ADGRG6: variants seen among roughly 807,000 people sequenced by gnomAD.
The protein encoded by ADGRG6 is adhesion G protein-coupled receptor G6.
In ADGRG6, 84 loss-of-function variants were observed where a neutral mutation model predicts 142.4. That is an observed-to-expected ratio of 0.59 (90% CI 0.49 to 0.71). The LOEUF (loss-of-function observed/expected upper bound fraction) is 0.71. Among genes scored for constraint, ADGRG6 ranks in the 30% least tolerant of loss-of-function variants. The pLI, the probability that ADGRG6 is intolerant of heterozygous loss-of-function variation, is 0.00. For synonymous variants in ADGRG6, 521 were observed against 520.5 expected, an observed-to-expected ratio of 1.00 and a Z score of -0.01; for missense variants, 1,367 against 1,466.6, an observed-to-expected ratio of 0.93 and a Z score of 1.11.
chr6:142,360,280 C>T (rs995711362), intron 2 of ADGRG6, among the ~76,000 whole-genome samples: 6 of 152,110 alleles, frequency 3.9e-5, no homozygotes, highest in African/African-American at 1.4e-4. Flanking sequence ...TAGGTATTTG[C>T]AAAGCTAGGA....
At chr6:142,352,400 G>C (rs939798527) in intron 2 of ADGRG6, among the ~76,000 whole-genome samples, 4 of 152,132 alleles carry the variant, frequency 2.6e-5, no homozygotes, top group African/African-American at 7.2e-5. Flanking sequence ...TCACTTATAA[G>C]TGGGAGCTTG....
intron 4 of ADGRG6, among the ~76,000 whole-genome samples, chr6:142,373,662 C>T (rs1053206815): frequency 6.6e-5 from 10 of 152,234 alleles, no homozygotes; most frequent in Middle Eastern, 3.4e-3. Context: ...CTTCAGCTCT[C>T]CTGAGTAGGT....
At chr6:142,399,074 T>G (rs958504442) in intron 10 of ADGRG6, among the ~76,000 whole-genome samples, 1 of 152,178 alleles carries the variant, frequency 6.6e-6, no homozygotes, top group African/African-American at 2.4e-5. Flanking sequence ...AAGCAATTGT[T>G]TTAATGTTAT....
chr6:142,304,248 T>C (rs1050656101), intron 1 of ADGRG6, among the ~76,000 whole-genome samples: 1 of 152,230 alleles, frequency 6.6e-6, no homozygotes, highest in South Asian at 2.1e-4. Context: ...TACTTAAGTG[T>C]ATTTTCTGCC....
intron 2 of ADGRG6, among the ~76,000 whole-genome samples, chr6:142,326,450 A>G (rs1266465585): frequency 1.3e-5 from 2 of 152,032 alleles, no homozygotes; most frequent in African/African-American, 2.4e-5. Flanking sequence ...GATAATTGGC[A>G]TATCTTGCTG....
intron 9 of ADGRG6, among the ~76,000 whole-genome samples, chr6:142,397,391 A>G (rs977831808): frequency 8.5e-5 from 13 of 152,300 alleles, no homozygotes; most frequent in African/African-American, 3.1e-4. Context: ...GAGTTATTTG[A>G]CAGAATTATA....
chr6:142,346,578 A>G (rs1779912349), intron 2 of ADGRG6, among the ~76,000 whole-genome samples: 1 of 152,182 alleles, frequency 6.6e-6, no homozygotes, highest in African/African-American at 2.4e-5. Flanking sequence ...ATGCACATGT[A>G]TGTTTATTGC....
chr6:142,438,919 A>G (rs1171888464), intron 24 of ADGRG6, among the ~76,000 whole-genome samples: 2 of 152,172 alleles, frequency 1.3e-5, no homozygotes, highest in Non-Finnish European at 2.9e-5. Context: ...CTGTTTTTTC[A>G]TGATATTTAC....
At chr6:142,416,410 C>T (rs1776361202) in intron 20 of ADGRG6, among the ~76,000 whole-genome samples, 1 of 152,130 alleles carries the variant, frequency 6.6e-6, no homozygotes, top group Admixed American at 6.6e-5. Context: ...CAAAGGCCAG[C>T]TCAGACGGCT....
chr6:142,371,861 A>G (rs723990), intron 4 of ADGRG6, among the ~76,000 whole-genome samples: 5,975 of 152,286 alleles, frequency 0.039, 244 homozygotes, highest in Middle Eastern at 0.11. Context: ...TTTCAATTGG[A>G]TGACTTAAAT....
rs550242763 is a variant in ADGRG6, at chr6:142,333,588, A to T, written c.103+23944A>T. On this transcript the variant is annotated intron_variant, in intron 2 of 24. Transcript: ENST00000367609. ...TAGGCTTCAACTACTGGGCTCAAGCAATCCTCCTGCCTTGGCCACCAAAAA... is the reference window on the plus strand; with the variant it reads ...TAGGCTTCAACTACTGGGCTCAAGCTATCCTCCTGCCTTGGCCACCAAAAA... Among the ~76,000 whole-genome samples the T allele has an allele frequency of 2.0e-4, 31 of 152,244 alleles. 1 individual carries two copies. In the South Asian group the frequency reaches 5.4e-3, roughly 26 times the overall value.
intron 4 of ADGRG6, among the ~76,000 whole-genome samples, chr6:142,380,943 G>T (rs1274281483): frequency 6.6e-6 from 1 of 152,166 alleles, no homozygotes; most frequent in Non-Finnish European, 1.5e-5. Flanking sequence ...AGAGCTTCTT[G>T]CCAGTCAGTG....
Position 142,302,209 on chromosome 6 carries a change from C to A in ADGRG6, c.-121C>A. On this transcript the variant is annotated 5_prime_UTR_variant, in exon 1 of 25. Coordinates refer to ENST00000367609, the MANE Select transcript of ADGRG6 (RefSeq NM_198569.3). ...CTCCAGAAACGGCGTAAAGGAGGGT[C>A]CCGCCGCGGCGCAGGGCTGGGGCGC... 1 of 1,132,310 alleles carries A rather than the reference C, an allele frequency of 8.8e-7. No homozygotes were observed. Among genetic ancestry groups the A allele is most frequent in the Non-Finnish European group, 1.3e-6 (1 of 795,480 alleles). The allele number at this position is 1,132,310 out of a possible 1,614,324, so 70.1% of individuals were successfully genotyped here.
chr6:142,390,202 T>C (rs1022103719), intron 6 of ADGRG6, 56 bp from the exon 7 acceptor site: 2 of 767,172 alleles, frequency 2.6e-6, no homozygotes, highest in African/African-American at 1.8e-5. Context: ...AATTGTTTGA[T>C]AATTATATAA....
chr6:142,427,196 C>T (rs1776986186), intron 22 of ADGRG6, among the ~76,000 whole-genome samples: 1 of 152,148 alleles, frequency 6.6e-6, no homozygotes, highest in African/African-American at 2.4e-5. Context: ...AACTTTAATG[C>T]TCTGTTTCCC....
chr6:142,374,498 A>G (rs775850539), intron 4 of ADGRG6, among the ~76,000 whole-genome samples: 3 of 152,230 alleles, frequency 2.0e-5, no homozygotes, highest in African/African-American at 7.2e-5. Context: ...CTGGAGCTAA[A>G]TGGTGGCTGC....
At chr6:142,386,660 A>T (rs1782043210) in intron 6 of ADGRG6, among the ~76,000 whole-genome samples, 1 of 152,200 alleles carries the variant, frequency 6.6e-6, no homozygotes, top group South Asian at 2.1e-4. Context: ...TCGTGCATTT[A>T]TATGATTATC....
At chr6:142,329,796 A>G (rs1473683627) in intron 2 of ADGRG6, among the ~76,000 whole-genome samples, 1 of 152,188 alleles carries the variant, frequency 6.6e-6, no homozygotes, top group Non-Finnish European at 1.5e-5. Context: ...ACTCCTTAAG[A>G]TATCTTATTC....
chr6:142,338,027 T>TCTTTTTTTTTTTTTTTTTTTTTTTTTTTG (rs1554234628), intron 2 of ADGRG6, among the ~76,000 whole-genome samples: 1 of 58,002 alleles, frequency 1.7e-5, no homozygotes, highest in Non-Finnish European at 3.4e-5. Flanking sequence ...GTTTTTTTTT[T>TCTTTTTTTTTTTTTTTTTTTTTTTTTTTG]TTTTTTTTTT....
Sources: allele counts gnomAD v4.1 joint callset (sites outside exome capture counted in the v4.1 genomes callset), GRCh38; gene constraint gnomAD v4.1.1; transcripts MANE v1.5; gene names NCBI Gene and HGNC (gene_info 2026-07-23, HGNC 2026-07-21).